Variants in MYZAP observed in about 807,000 individuals in gnomAD.
MYZAP encodes the protein GRINL1A complex locus upstream.
MYZAP carries 66 observed loss-of-function variants against 69.4 expected under a neutral mutation model. That is an observed-to-expected ratio of 0.95 (90% CI 0.78 to 1.17). The LOEUF is 1.17. MYZAP is among the 50% of genes most tolerant of loss of function. The pLI, the probability that MYZAP is intolerant of heterozygous loss-of-function variation, is 0.00. For synonymous variants in MYZAP, 256 were observed against 205.9 expected, an observed-to-expected ratio of 1.24 and a Z score of -2.09; for missense variants, 611 against 556.2, an observed-to-expected ratio of 1.10 and a Z score of -0.99.
chr15:57,658,688 G>C (rs149917847), intron 10 of MYZAP, among the ~76,000 whole-genome samples: 2 of 152,164 alleles, frequency 1.3e-5, no homozygotes, highest in African/African-American at 4.8e-5. Context: ...GTGTTTCATC[G>C]TGTATCACTT....
chr15:57,600,412 T>G (rs1422832356), intron 1 of MYZAP, among the ~76,000 whole-genome samples: 1 of 152,260 alleles, frequency 6.6e-6, no homozygotes, highest in Non-Finnish European at 1.5e-5. Context: ...GTTCATTTTA[T>G]TTTATGCATT....
chr15:57,670,472 T>C (rs1467877887), intron 11 of MYZAP, among the ~76,000 whole-genome samples: 2 of 152,126 alleles, frequency 1.3e-5, no homozygotes, highest in Non-Finnish European at 2.9e-5. Context: ...AACTGATTTA[T>C]ATCTCTGTAT....
chr15:57,605,799 G>T (rs2034705773), intron 2 of MYZAP, among the ~76,000 whole-genome samples: 1 of 152,166 alleles, frequency 6.6e-6, no homozygotes, highest in Admixed American at 6.5e-5. Flanking sequence ...GGAAAATAAG[G>T]TTTCACTCAG....
chr15:57,621,841 T>TCATTCTGTGA, intron 4 of MYZAP, 141 bp downstream of exon 4: 2 of 734,106 alleles, frequency 2.7e-6, no homozygotes, highest in Non-Finnish European at 4.0e-6. Context: ...TGAGAAAATT[T>TCATTCTGTGA]TATCACAGAA....
At chr15:57,649,588 T>A (rs1383734096) in intron 10 of MYZAP, among the ~76,000 whole-genome samples, 2 of 152,222 alleles carry the variant, frequency 1.3e-5, no homozygotes, top group Admixed American at 6.5e-5. Flanking sequence ...GAACTCTACA[T>A]CTTATCAATA....
chr15:57,614,502 A>G (rs369971977), intron 2 of MYZAP, among the ~76,000 whole-genome samples: 77 of 152,284 alleles, frequency 5.1e-4, no homozygotes, highest in Middle Eastern at 6.8e-3. Context: ...AGGAAGTGAC[A>G]TTTCAGCCCA....
At chr15:57,619,392 A>C (rs1323100193) in intron 3 of MYZAP, among the ~76,000 whole-genome samples, 1 of 152,212 alleles carries the variant, frequency 6.6e-6, no homozygotes, top group Non-Finnish European at 1.5e-5. Context: ...TCACTCTGTC[A>C]TCCAGGCTGG....
In MYZAP at chr15:57,633,598, A is replaced by G. The variant is rs1289859628; in HGVS notation, c.805-15A>G. The G allele has an allele frequency of 1.9e-6, 3 of 1,610,470 alleles. No individual in the cohort carries two copies. The highest frequency in any genetic ancestry group is 1.7e-5 in the Admixed American group (1 of 59,672). On this transcript the variant is annotated splice_polypyrimidine_tract_variant and intron_variant, in intron 7 of 12. Transcript: ENST00000267853. Reference sequence around the variant, plus strand: ...ACTCCATGCCTGTACTTAGGAGGGTATATTTCTTTTGCAGGAAGAAACCAA... The same window carrying G: ...ACTCCATGCCTGTACTTAGGAGGGTGTATTTCTTTTGCAGGAAGAAACCAA...
At chr15:57,623,649 C>T (rs1258627524) in intron 4 of MYZAP, among the ~76,000 whole-genome samples, 2 of 151,708 alleles carry the variant, frequency 1.3e-5, no homozygotes. Context: ...AGGAGAATCA[C>T]TTGAGCCTGG....
chr15:57,608,947 C>T (rs2034932464), intron 2 of MYZAP, among the ~76,000 whole-genome samples: 1 of 152,204 alleles, frequency 6.6e-6, no homozygotes, highest in Non-Finnish European at 1.5e-5. Flanking sequence ...TAAAGGCCCA[C>T]TTCCTTTCTG....
At chr15:57,659,726 AGTTT>A (rs1324039641) in intron 10 of MYZAP, among the ~76,000 whole-genome samples, 2 of 152,162 alleles carry the variant, frequency 1.3e-5, no homozygotes, top group African/African-American at 2.4e-5. Context: ...TCTTCAATTC[AGTTT>A]GTTCTCAGAT....
intron 10 of MYZAP, among the ~76,000 whole-genome samples, chr15:57,653,825 C>T (rs575718189): frequency 2.0e-5 from 3 of 151,586 alleles, no homozygotes; most frequent in East Asian, 1.9e-4. Context: ...AGTAACATAG[C>T]GAGACCCTGT....
intron 1 of MYZAP, among the ~76,000 whole-genome samples, chr15:57,598,374 C>T (rs906264754): frequency 1.3e-4 from 20 of 152,220 alleles, no homozygotes; most frequent in African/African-American, 4.8e-4. Flanking sequence ...GTGCAAGGCA[C>T]TCCAGGGAGT....
At chr15:57,608,595 C>A (rs2034909344) in intron 2 of MYZAP, among the ~76,000 whole-genome samples, 2 of 152,182 alleles carry the variant, frequency 1.3e-5, no homozygotes, top group Non-Finnish European at 2.9e-5. Context: ...GCTTCCTCAT[C>A]TTTAAAGTAG....
chr15:57,632,323 C>T lies in MYZAP; in HGVS notation c.679-111C>T, dbSNP rs2036553166. On this transcript the variant is annotated intron_variant, in intron 6 of 12. Coordinates refer to ENST00000267853, the MANE Select transcript of MYZAP (RefSeq NM_001018100.5). ...TGCTGTGTCTCTCTGCTGCAGAACCCAGTGGATGGGCTCACTACCTCTGTG... is the reference window on the plus strand; with the variant it reads ...TGCTGTGTCTCTCTGCTGCAGAACCTAGTGGATGGGCTCACTACCTCTGTG... 4 of 1,536,082 alleles carry T rather than the reference C, an allele frequency of 2.6e-6. No individual in the cohort carries two copies. The African/African-American group carries it at 5.5e-5, about 21-fold the overall frequency.
chr15:57,606,946 T>C (rs183481845), intron 2 of MYZAP, among the ~76,000 whole-genome samples: 68 of 152,306 alleles, frequency 4.5e-4, no homozygotes, highest in Middle Eastern at 6.8e-3. Flanking sequence ...GTGGTCAGGC[T>C]TCAGCTGCTA....
chr15:57,657,353 C>G (rs1013674410), intron 10 of MYZAP, among the ~76,000 whole-genome samples: 4 of 151,954 alleles, frequency 2.6e-5, no homozygotes, highest in Non-Finnish European at 4.4e-5. Flanking sequence ...AAAGACATAC[C>G]GTGAGAGTAA....
Position 57,621,127 on chromosome 15 carries a change from T to C in MYZAP, c.319-481T>C, listed in dbSNP as rs2035781336. ...TAATTCCTAACTAGTTTCTAACTAG[T>C]TGTTGGGGGTGACCTTCTCCCTTAA... On this transcript the variant is annotated intron_variant, in intron 3 of 12. Transcript: ENST00000267853. Among the ~76,000 whole-genome samples, 3 of 148,560 alleles carry C rather than the reference T, an allele frequency of 2.0e-5. No individual in the cohort carries two copies. The Admixed American group carries it at 2.0e-4, about 10-fold the overall frequency.
At chr15:57,642,176 C>T (rs2140475146) in intron 10 of MYZAP, among the ~76,000 whole-genome samples, 1 of 152,306 alleles carries the variant, frequency 6.6e-6, no homozygotes, top group South Asian at 2.1e-4. Flanking sequence ...AGTGTTCCTC[C>T]ACAAATTCTG....
Sources: allele counts gnomAD v4.1 joint callset (sites outside exome capture counted in the v4.1 genomes callset), GRCh38; gene constraint gnomAD v4.1.1; transcripts MANE v1.5; gene names NCBI Gene and HGNC (gene_info 2026-07-23, HGNC 2026-07-21).